DNAI4: variants seen among roughly 807,000 people sequenced by gnomAD.
DNAI4 encodes WD repeat domain 78.
DNAI4 carries 85 observed loss-of-function variants against 105.8 expected under a neutral mutation model. That is an observed-to-expected ratio of 0.80 (90% CI 0.67 to 0.96). DNAI4 has a LOEUF of 0.96. DNAI4 is among the 40% of genes least tolerant of loss of function. DNAI4 has a pLI of 0.00. For synonymous variants in DNAI4, 352 were observed against 331.5 expected, an observed-to-expected ratio of 1.06 and a Z score of -0.67; for missense variants, 1,014 against 1,005.6, an observed-to-expected ratio of 1.01 and a Z score of -0.11.
chr1:66,833,518 T>C, intron 13 of DNAI4, 67 bp downstream of exon 13: 1 of 1,552,826 alleles, frequency 6.4e-7, no homozygotes, highest in Non-Finnish European at 8.7e-7. Flanking sequence ...TCTTGTTTTA[T>C]GACTTAATAC....
intron 1 of DNAI4, among the ~76,000 whole-genome samples, chr1:66,914,473 T>C (rs1649914946): frequency 6.6e-6 from 1 of 152,246 alleles, no homozygotes; most frequent in Non-Finnish European, 1.5e-5. Context: ...TCTGTGTGTA[T>C]GTGCATTAAA....
In DNAI4 at chr1:66,890,620, GAAGA is replaced by G. The variant is rs1248292710; in HGVS notation, c.643+530_643+533del. 1.6e-5 allele frequency: 3 copies of G among 184,526 alleles called. No homozygotes were observed. The highest frequency in any genetic ancestry group is 1.7e-4 in the East Asian group (1 of 5,782). 11.4% of individuals were successfully genotyped at this position (184,526 alleles called of 1,614,324 possible). A position where few individuals can be genotyped will look rare whatever the true frequency, so the allele number is the denominator to read the frequency against. On this transcript the variant is annotated intron_variant, in intron 4 of 16. Transcript: ENST00000371026. The surrounding 1 kb of genome is among the most constrained non-coding windows in gnomAD (Gnocchi z 4.1). Reference sequence around the variant, plus strand: ...TCTCAAAATAAAAAAAAAGAGGAAAGAAGAAAGAAGAAGAGGAAGAAGAAGAAGA... The same window carrying G: ...TCTCAAAATAAAAAAAAAGAGGAAAGAAGAAGAAGAGGAAGAAGAAGAAGA...
At position 66,912,469 on chromosome 1, in the gene DNAI4, C is replaced by CA. The variant is rs111387810; in HGVS notation, c.171-7095dup. Among the ~76,000 whole-genome samples, 402 of 142,470 alleles carry CA rather than the reference C, an allele frequency of 2.8e-3. 1 individual carries two copies. Among genetic ancestry groups the CA allele is most frequent in the African/African-American group, 3.8e-3 (147 of 39,000 alleles). The allele number at this position is 142,470 out of a possible 152,430, so 93.5% of individuals were successfully genotyped here. A position where few individuals can be genotyped will look rare whatever the true frequency, so the allele number is the denominator to read the frequency against. On this transcript the variant is annotated intron_variant, in intron 1 of 16. Coordinates refer to ENST00000371026, the MANE Select transcript of DNAI4 (RefSeq NM_024763.5). ...GGGGCGACAGAGTGCGACTGTGTCT[C>CA]AAAAAAAAAAAGAAACTCAAAAGAC...
At chr1:66,818,299 T>C (rs1001846627) in intron 16 of DNAI4, among the ~76,000 whole-genome samples, 3 of 152,006 alleles carry the variant, frequency 2.0e-5, no homozygotes, top group Non-Finnish European at 4.4e-5. Context: ...TTTTAATTTA[T>C]GAAATTACTA....
intron 2 of DNAI4, among the ~76,000 whole-genome samples, chr1:66,894,633 A>G (rs1400919319): frequency 6.6e-6 from 1 of 152,152 alleles, no homozygotes; most frequent in Non-Finnish European, 1.5e-5. Context: ...TTAATTTTAT[A>G]TATAGGATAA....
chr1:66,877,844 C>T (rs1646988900), intron 4 of DNAI4, among the ~76,000 whole-genome samples: 1 of 152,126 alleles, frequency 6.6e-6, no homozygotes, highest in Admixed American at 6.5e-5. Context: ...TTGTGATTTT[C>T]TGATGTTAAA....
intron 2 of DNAI4, among the ~76,000 whole-genome samples, chr1:66,900,581 A>G (rs1648731683): frequency 6.6e-6 from 1 of 152,164 alleles, no homozygotes; most frequent in African/African-American, 2.4e-5. Context: ...ATTTCTTTCA[A>G]TAATGTTTTA....
rs1048182577 is a variant in DNAI4 at position 66,902,320 on chromosome 1, T to C, written c.345+2881A>G. On this transcript the variant is annotated intron_variant, in intron 2 of 16. Coordinates refer to ENST00000371026, the MANE Select transcript of DNAI4 (RefSeq NM_024763.5). ...TGCATTTCCCTAATGTTTAGTGATG[T>C]TGAGTATCTTTTCCTGTGTTTGTTG... Among the ~76,000 whole-genome samples, 20 of 152,192 alleles carry C rather than the reference T, an allele frequency of 1.3e-4. 1 individual carries two copies. Among genetic ancestry groups the C allele is most frequent in the African/African-American group, 4.6e-4 (19 of 41,456 alleles).
intron 4 of DNAI4, among the ~76,000 whole-genome samples, chr1:66,882,413 A>C (rs1005852319): frequency 6.6e-6 from 1 of 152,090 alleles, no homozygotes. Context: ...TTTTTTCCTG[A>C]TGTTTTTCAA....
chr1:66,873,553 T>A (rs1447003967), intron 5 of DNAI4, among the ~76,000 whole-genome samples: 2 of 152,188 alleles, frequency 1.3e-5, no homozygotes, highest in Admixed American at 6.5e-5. Flanking sequence ...ATCCAGGTGA[T>A]CTGAAGGAAT....
intron 4 of DNAI4, among the ~76,000 whole-genome samples, chr1:66,884,808 T>C (rs549739217): frequency 2.0e-5 from 3 of 152,280 alleles, no homozygotes; most frequent in South Asian, 2.1e-4. Flanking sequence ...AATAGCGTAA[T>C]TGCTTAGCCA....
At chr1:66,919,199 C>T (rs1363432290) in intron 1 of DNAI4, 5 of 354,394 alleles carry the variant, frequency 1.4e-5, no homozygotes, top group Non-Finnish European at 2.9e-5. Context: ...CACGGGTACA[C>T]ATCCTGAACC....
chr1:66,916,469 G>C (rs900790641), intron 1 of DNAI4, among the ~76,000 whole-genome samples: 3 of 152,122 alleles, frequency 2.0e-5, no homozygotes, highest in Non-Finnish European at 4.4e-5. Context: ...AGGCCCCATA[G>C]AAGATGCTAA....
chr1:66,914,960 T>C (rs1649957283), intron 1 of DNAI4, among the ~76,000 whole-genome samples: 1 of 152,224 alleles, frequency 6.6e-6, no homozygotes, highest in Admixed American at 6.5e-5. Flanking sequence ...TTAAAATTAC[T>C]GGTAAAGTAA....
intron 9 of DNAI4, among the ~76,000 whole-genome samples, chr1:66,839,940 G>A (rs1419564246): frequency 1.3e-5 from 2 of 152,136 alleles, no homozygotes; most frequent in African/African-American, 2.4e-5. Context: ...GGGTTGTTGT[G>A]TTAGTACGGT....
At position 66,822,363 on chromosome 1, in the gene DNAI4, G is replaced by A. The variant is rs552217314; in HGVS notation, c.2494C>T (p.Arg832Trp). The A allele has an allele frequency of 1.1e-5, 17 of 1,598,772 alleles. No individual in the cohort carries two copies. The highest frequency in any genetic ancestry group is 6.7e-5 in the African/African-American group (5 of 74,366). ...ATTTTTTTACTCTTGAGTCTTACCC[G>A]GCCAGTTTCCAAAACAGTAGGCATA... Reference protein sequence around the residue: ...RNMPTVLETGRGDIMDTLLGS... With the variant: ...RNMPTVLETGWGDIMDTLLGS... Residue 832 changes from arginine (R) to tryptophan (W), a missense_variant and splice_region_variant, in exon 16 of 17, where the codon CGG becomes TGG. By Grantham distance (101) the Arg-to-Trp change is moderately radical. Coordinates refer to ENST00000371026, the MANE Select transcript of DNAI4 (RefSeq NM_024763.5).
At chr1:66,895,634 G>T (rs1217154779) in intron 2 of DNAI4, among the ~76,000 whole-genome samples, 2 of 152,030 alleles carry the variant, frequency 1.3e-5, no homozygotes, top group Middle Eastern at 3.4e-3. Flanking sequence ...ATAAAAGGGG[G>T]CTCTTTTTTG....
At chr1:66,832,999 A>G (rs1645899429) in intron 13 of DNAI4, among the ~76,000 whole-genome samples, 2 of 152,132 alleles carry the variant, frequency 1.3e-5, no homozygotes, top group African/African-American at 2.4e-5. Flanking sequence ...TGTAAGTATG[A>G]TAGAGCAGCA....
chr1:66,858,862 G>A (rs1051695439), intron 7 of DNAI4, among the ~76,000 whole-genome samples: 1 of 152,080 alleles, frequency 6.6e-6, no homozygotes, highest in Non-Finnish European at 1.5e-5. Flanking sequence ...ACATAATGGT[G>A]AGAAACTGAA....
Sources: gnomAD v4.1 joint callset for allele counts (sites outside exome capture counted in the v4.1 genomes callset) on GRCh38, gnomAD v4.1.1 for gene constraint, Gnocchi (gnomAD v3.1) non-coding constraint, MANE v1.5 for transcripts, NCBI Gene and HGNC (gene_info 2026-07-23, HGNC 2026-07-21) for gene names.